RAB3C: variants seen among roughly 807,000 people sequenced by gnomAD.
RAB3C encodes ras-related protein Rab-3C.
RAB3C carries 17 observed loss-of-function variants against 26.4 expected under a neutral mutation model. The ratio of observed to expected loss-of-function variants is 0.64; its 90% confidence interval spans 0.44 to 0.97. The LOEUF is 0.97. Ranked by LOEUF, RAB3C falls within the 50% of genes least tolerant of loss-of-function variation. The probability of loss-of-function intolerance (pLI) is 0.00; values close to 1 mark genes in which losing one functional copy is unlikely to be tolerated. For synonymous variants in RAB3C, 91 were observed against 95.9 expected, an observed-to-expected ratio of 0.95 and a Z score of 0.30; for missense variants, 242 against 281.9, an observed-to-expected ratio of 0.86 and a Z score of 1.01.
chr5:58,644,702 G>A (rs980694681), intron 2 of RAB3C, among the ~76,000 whole-genome samples: 2 of 152,136 alleles, frequency 1.3e-5, no homozygotes, highest in African/African-American at 2.4e-5. Flanking sequence ...TTCATTTAAA[G>A]TTTAGCTCCT....
At chr5:58,601,664 T>C (rs1418417561) in intron 1 of RAB3C, among the ~76,000 whole-genome samples, 1 of 152,148 alleles carries the variant, frequency 6.6e-6, no homozygotes, top group Non-Finnish European at 1.5e-5. Context: ...ACTGATCTTT[T>C]GTATTTCAGT....
chr5:58,642,931 G>A (rs919155141), intron 2 of RAB3C, among the ~76,000 whole-genome samples: 2 of 152,152 alleles, frequency 1.3e-5, no homozygotes, highest in Admixed American at 6.5e-5. Context: ...TTAGAAATGG[G>A]CAATTTATAA....
chr5:58,650,946 C>T (rs1747635862), intron 2 of RAB3C, among the ~76,000 whole-genome samples: 1 of 152,142 alleles, frequency 6.6e-6, no homozygotes, highest in Non-Finnish European at 1.5e-5. Context: ...TTTTATCAAG[C>T]AGGATCACTC....
intron 3 of RAB3C, among the ~76,000 whole-genome samples, chr5:58,734,827 G>A (rs1215495794): frequency 6.6e-6 from 1 of 152,050 alleles, no homozygotes; most frequent in Non-Finnish European, 1.5e-5. Context: ...ATTATCCATG[G>A]CAGTTATGCC....
chr5:58,804,491 C>T (rs1742888119), intron 3 of RAB3C, among the ~76,000 whole-genome samples: 1 of 152,222 alleles, frequency 6.6e-6, no homozygotes, highest in Non-Finnish European at 1.5e-5. Flanking sequence ...CATTAAATCA[C>T]AAGTTCACAG....
intron 2 of RAB3C, among the ~76,000 whole-genome samples, chr5:58,632,589 C>T (rs993087252): frequency 4.6e-5 from 7 of 152,176 alleles, no homozygotes; most frequent in Non-Finnish European, 5.9e-5. Flanking sequence ...TCTCAGACCT[C>T]CTTCTGTTTT....
intron 3 of RAB3C, among the ~76,000 whole-genome samples, chr5:58,761,043 TCTCTCC>T (rs996195615): frequency 8.7e-6 from 1 of 114,516 alleles, no homozygotes; most frequent in African/African-American, 3.2e-5. Context: ...TCTCTCTCTC[TCTCTCC>T]CTCTCTCTCT....
intron 2 of RAB3C, among the ~76,000 whole-genome samples, chr5:58,722,961 T>C (rs1237151573): frequency 1.3e-5 from 2 of 151,896 alleles, no homozygotes; most frequent in Non-Finnish European, 2.9e-5. Context: ...TGCATTGTTA[T>C]GGCTGGGATT....
chr5:58,754,820 C>T (rs909337559), intron 3 of RAB3C, among the ~76,000 whole-genome samples: 2 of 152,124 alleles, frequency 1.3e-5, no homozygotes, highest in Non-Finnish European at 2.9e-5. Flanking sequence ...ACTGCAAACG[C>T]CCTTGTGACC....
chr5:58,824,558 G>A (rs1257535673), intron 3 of RAB3C, among the ~76,000 whole-genome samples: 1 of 151,990 alleles, frequency 6.6e-6, no homozygotes, highest in Non-Finnish European at 1.5e-5. Flanking sequence ...CATTTCTTTA[G>A]CTCTTTAAGT....
At chr5:58,848,971 G>T (rs557853815) in intron 4 of RAB3C, among the ~76,000 whole-genome samples, 1 of 152,174 alleles carries the variant, frequency 6.6e-6, no homozygotes, top group Admixed American at 6.5e-5. Flanking sequence ...ATATTCTTAG[G>T]GTTCCAGTTA....
At chr5:58,714,008 A>T (rs1579874420) in intron 2 of RAB3C, among the ~76,000 whole-genome samples, 1 of 152,210 alleles carries the variant, frequency 6.6e-6, no homozygotes, top group African/African-American at 2.4e-5. Context: ...ACATGTAAAA[A>T]GAATGTAAAT....
At chr5:58,646,051 T>G (rs920030587) in intron 2 of RAB3C, among the ~76,000 whole-genome samples, 2 of 152,210 alleles carry the variant, frequency 1.3e-5, no homozygotes, top group African/African-American at 4.8e-5. Flanking sequence ...TTATTGACCC[T>G]TGGTTAAAAG....
chr5:58,632,139 T>C (rs913890501), intron 2 of RAB3C, among the ~76,000 whole-genome samples: 2 of 152,192 alleles, frequency 1.3e-5, no homozygotes, highest in African/African-American at 4.8e-5. Flanking sequence ...GATCTCACAA[T>C]ATGAGAGAGA....
intron 2 of RAB3C, among the ~76,000 whole-genome samples, chr5:58,685,168 G>T (rs1056362777): frequency 1.3e-5 from 2 of 152,088 alleles, no homozygotes; most frequent in African/African-American, 4.8e-5. Flanking sequence ...ATAGGGTTTT[G>T]TACTATCCAT....
At chr5:58,651,118 C>A (rs1051882962) in intron 2 of RAB3C, among the ~76,000 whole-genome samples, 2 of 152,180 alleles carry the variant, frequency 1.3e-5, no homozygotes, top group African/African-American at 4.8e-5. Flanking sequence ...CAGGTTGTTT[C>A]TATTCACTAT....
chr5:58,639,952 C>T (rs1051250720), intron 2 of RAB3C, among the ~76,000 whole-genome samples: 1 of 152,218 alleles, frequency 6.6e-6, no homozygotes, highest in African/African-American at 2.4e-5. Context: ...GAATTCCTAA[C>T]ATTTCCATTC....
At chr5:58,757,756 C>T (rs1741706232) in intron 3 of RAB3C, among the ~76,000 whole-genome samples, 1 of 152,182 alleles carries the variant, frequency 6.6e-6, no homozygotes, top group Non-Finnish European at 1.5e-5. Context: ...AGTTTCTCAT[C>T]AAGATTTCCC....
intron 4 of RAB3C, among the ~76,000 whole-genome samples, chr5:58,825,712 A>T (rs116114577): frequency 0.014 from 2,202 of 152,280 alleles, 49 homozygotes; most frequent in African/African-American, 0.049. Flanking sequence ...AGATCAAATG[A>T]GATAATAGAT....
Sources: allele counts gnomAD v4.1 joint callset (sites outside exome capture counted in the v4.1 genomes callset), GRCh38; gene constraint gnomAD v4.1.1; transcripts MANE v1.5; gene names NCBI Gene and HGNC (gene_info 2026-07-23, HGNC 2026-07-21).